Variants in CDH4 observed in about 807,000 individuals in gnomAD.
CDH4 encodes the protein cadherin 4.
Under a neutral mutation model 86.0 loss-of-function variants are expected in CDH4, and 33 were observed. That is an observed-to-expected ratio of 0.38 (90% CI 0.29 to 0.51). The LOEUF (loss-of-function observed/expected upper bound fraction) is 0.51, where lower values mean the gene tolerates loss of function less well. Among genes scored for constraint, CDH4 ranks in the 20% least tolerant of loss-of-function variants. The pLI is 0.86. For synonymous variants in CDH4, 555 were observed against 549.4 expected (o/e 1.01, Z -0.14); for missense variants, 1,114 against 1,307.4 (o/e 0.85, Z 2.28).
At chr20:61,678,960 T>C (rs898417892) in intron 2 of CDH4, among the ~76,000 whole-genome samples, 3 of 152,216 alleles carry the variant, frequency 2.0e-5, no homozygotes, top group Non-Finnish European at 4.4e-5. Context: ...ATCCCTGCAG[T>C]GTCCAAGAGG....
chr20:61,608,345 C>T (rs549903285), intron 2 of CDH4, among the ~76,000 whole-genome samples: 1 of 152,290 alleles, frequency 6.6e-6, no homozygotes, highest in South Asian at 2.1e-4. Context: ...AGAGAAGTTG[C>T]AGCTATCATT....
chr20:61,743,530 G>T, intron 2 of CDH4, 33 bp from the exon 3 acceptor site: 4 of 1,533,890 alleles, frequency 2.6e-6, no homozygotes, highest in Non-Finnish European at 3.5e-6. Context: ...TGCTGGCCAA[G>T]CCGACCCTGA....
intron 2 of CDH4, among the ~76,000 whole-genome samples, chr20:61,405,945 G>C (rs2085079509): frequency 2.0e-5 from 3 of 152,188 alleles, no homozygotes; most frequent in Admixed American, 2.0e-4. Flanking sequence ...CTCTCAAAGT[G>C]CTGGGATTAC....
At chr20:61,402,595 TG>T (rs2085055577) in intron 2 of CDH4, among the ~76,000 whole-genome samples, 1 of 152,210 alleles carries the variant, frequency 6.6e-6, no homozygotes, top group South Asian at 2.1e-4. Context: ...TTCATCATGT[TG>T]GCCAGGCCGG....
At chr20:61,568,911 C>T (rs771864252) in intron 2 of CDH4, among the ~76,000 whole-genome samples, 30 of 152,208 alleles carry the variant, frequency 2.0e-4, no homozygotes, top group Non-Finnish European at 3.5e-4. Context: ...GGTGACTTTT[C>T]TGCTCAGTCA....
intron 2 of CDH4, among the ~76,000 whole-genome samples, chr20:61,347,711 G>A (rs1276073396): frequency 6.6e-6 from 1 of 152,202 alleles, no homozygotes; most frequent in East Asian, 1.9e-4. Flanking sequence ...AGCTGGCGGG[G>A]GCTGGTGTTT....
intron 3 of CDH4, among the ~76,000 whole-genome samples, chr20:61,744,263 G>A (rs984615923): frequency 2.6e-5 from 4 of 152,008 alleles, no homozygotes; most frequent in African/African-American, 9.7e-5. Flanking sequence ...AGGAAGGCAG[G>A]TGCAGGGAGA....
intron 3 of CDH4, among the ~76,000 whole-genome samples, chr20:61,746,374 TC>T (rs1247380768): frequency 6.6e-6 from 1 of 152,148 alleles, no homozygotes; most frequent in African/African-American, 2.4e-5. Context: ...CAATGGTTCC[TC>T]TCCTGACTTT....
At chr20:61,427,535 G>A (rs944347038) in intron 2 of CDH4, among the ~76,000 whole-genome samples, 7 of 151,440 alleles carry the variant, frequency 4.6e-5, no homozygotes, top group Non-Finnish European at 1.0e-4. Flanking sequence ...GGCAGCTCCA[G>A]CCTATCTAGC....
chr20:61,484,976 G>C (rs908087781), intron 2 of CDH4, among the ~76,000 whole-genome samples: 1 of 152,168 alleles, frequency 6.6e-6, no homozygotes, highest in Non-Finnish European at 1.5e-5. Flanking sequence ...AAAGACTATT[G>C]GGATGTACCT....
intron 2 of CDH4, among the ~76,000 whole-genome samples, chr20:61,285,087 T>G (rs2084286276): frequency 6.6e-6 from 1 of 151,562 alleles, no homozygotes; most frequent in Non-Finnish European, 1.5e-5. Flanking sequence ...TTTTTTTTGT[T>G]TGTTTGTTTG....
At chr20:61,653,667 A>ATGG in intron 2 of CDH4, among the ~76,000 whole-genome samples, 1 of 86,080 alleles carries the variant, frequency 1.2e-5, no homozygotes, top group Admixed American at 1.1e-4. Context: ...CACTTCTCAG[A>ATGG]CAGGGCGGCC....
chr20:61,610,236 A>G (rs1045440788), intron 2 of CDH4, among the ~76,000 whole-genome samples: 1 of 152,090 alleles, frequency 6.6e-6, no homozygotes, highest in Non-Finnish European at 1.5e-5. Context: ...CCCACCTGGG[A>G]CTGAGAACGT....
chr20:61,604,655 T>G (rs1421338318), intron 2 of CDH4, among the ~76,000 whole-genome samples: 1 of 152,176 alleles, frequency 6.6e-6, no homozygotes, highest in Admixed American at 6.5e-5. Context: ...GACGCACTCC[T>G]TCCTGCACAC....
chr20:61,300,838 G>A (rs2123203967), intron 2 of CDH4, among the ~76,000 whole-genome samples: 1 of 152,266 alleles, frequency 6.6e-6, no homozygotes, highest in Non-Finnish European at 1.5e-5. Flanking sequence ...CAGGAGGTAG[G>A]GACCCTGGGA....
chr20:61,732,015 G>C (rs1012363594), intron 2 of CDH4, among the ~76,000 whole-genome samples: 9 of 152,074 alleles, frequency 5.9e-5, no homozygotes, highest in African/African-American at 1.2e-4. Context: ...AGAAACCTTG[G>C]ACTCAGACTC....
At position 61,383,177 on chromosome 20, in the gene CDH4, T is replaced by TTATGAATATATATGAATATATTTATA. The variant is rs1244115901; in HGVS notation, c.169+128263_169+128288dup. Among the ~76,000 whole-genome samples the TTATGAATATATATGAATATATTTATA allele has an allele frequency of 3.4e-4, 35 of 102,364 alleles. 3 individuals are homozygous for TTATGAATATATATGAATATATTTATA. The highest frequency in any genetic ancestry group is 1.1e-3 in the South Asian group (4 of 3,676). The allele number at this position is 102,364 out of a possible 152,430, so 67.2% of individuals were successfully genotyped here. A position where few individuals can be genotyped will look rare whatever the true frequency, so the allele number is the denominator to read the frequency against. Reference sequence around the variant, plus strand: ...GAATATATTATATATATGAATATATTTATGAATATATATGAATATATTTAT... The same window carrying TTATGAATATATATGAATATATTTATA: ...GAATATATTATATATATGAATATATTTATGAATATATATGAATATATTTATATATGAATATATATGAATATATTTAT... On this transcript the variant is annotated intron_variant, in intron 2 of 15. Transcript: ENST00000614565.
At chr20:61,628,164 T>C (rs1219537391) in intron 2 of CDH4, among the ~76,000 whole-genome samples, 1 of 152,162 alleles carries the variant, frequency 6.6e-6, no homozygotes, top group Non-Finnish European at 1.5e-5. Flanking sequence ...CTTCCTGAGC[T>C]ATTTGTGTCT....
At chr20:61,507,690 T>C (rs2085750965) in intron 2 of CDH4, among the ~76,000 whole-genome samples, 1 of 152,142 alleles carries the variant, frequency 6.6e-6, no homozygotes, top group South Asian at 2.1e-4. Flanking sequence ...AAGAGGTGTT[T>C]AAGGACACAT....
Sources: gnomAD v4.1 joint callset for allele counts (sites outside exome capture counted in the v4.1 genomes callset) on GRCh38, gnomAD v4.1.1 for gene constraint, MANE v1.5 for transcripts, NCBI Gene and HGNC (gene_info 2026-07-23, HGNC 2026-07-21) for gene names.